LRMDA: variants seen among roughly 807,000 people sequenced by gnomAD.
LRMDA encodes the protein leucine rich melanocyte differentiation associated.
LRMDA carries 18 observed loss-of-function variants against 29.8 expected under a neutral mutation model. The ratio of observed to expected loss-of-function variants is 0.60; its 90% CI spans 0.42 to 0.90. The LOEUF is 0.90. Among genes scored for constraint, LRMDA ranks in the 40% least tolerant of loss-of-function variants. The pLI, the probability that LRMDA is intolerant of heterozygous loss-of-function variation, is 0.00. For missense variants in LRMDA, 273 were observed against 273.9 expected (o/e 1.00, Z 0.02); for synonymous variants, 125 against 109.4 (o/e 1.14, Z -0.89).
chr10:76,264,695 A>C (rs1303664726), intron 5 of LRMDA, among the ~76,000 whole-genome samples: 32 of 152,156 alleles, frequency 2.1e-4, no homozygotes, highest in Non-Finnish European at 2.9e-5. Context: ...CCTGAGTACT[A>C]AACAGAAAGG....
At chr10:75,562,189 G>A (rs573395854) in intron 2 of LRMDA, among the ~76,000 whole-genome samples, 1 of 152,146 alleles carries the variant, frequency 6.6e-6, no homozygotes, top group East Asian at 1.9e-4. Context: ...GGTCATTCAG[G>A]ACTTGCTTTA....
At chr10:76,390,682 T>C (rs1841713313) in intron 6 of LRMDA, among the ~76,000 whole-genome samples, 1 of 152,116 alleles carries the variant, frequency 6.6e-6, no homozygotes, top group Admixed American at 6.6e-5. Flanking sequence ...ACTGCCTGTA[T>C]GCCCCCATAA....
chr10:75,480,836 G>A (rs770433542), intron 2 of LRMDA, among the ~76,000 whole-genome samples: 18 of 152,176 alleles, frequency 1.2e-4, no homozygotes, highest in Non-Finnish European at 2.2e-4. Flanking sequence ...GAGTGTGGAA[G>A]GAGAGTAGAT....
chr10:76,040,932 G>A (rs1158189310), intron 3 of LRMDA, among the ~76,000 whole-genome samples: 2 of 152,176 alleles, frequency 1.3e-5, no homozygotes, highest in South Asian at 2.1e-4. Context: ...GCTGGGCTGT[G>A]GCACGGAGAC....
intron 2 of LRMDA, among the ~76,000 whole-genome samples, chr10:75,912,416 T>C (rs147517332): frequency 1.2e-4 from 18 of 152,312 alleles, no homozygotes; most frequent in African/African-American, 4.1e-4. Context: ...TTGGAAGCCC[T>C]CTTGGAAGAG....
chr10:75,981,067 G>A (rs1847161192), intron 2 of LRMDA, among the ~76,000 whole-genome samples: 1 of 152,200 alleles, frequency 6.6e-6, no homozygotes, highest in Non-Finnish European at 1.5e-5. Flanking sequence ...GCAAGTTCCA[G>A]TGTTATAAGT....
chr10:75,572,787 A>T (rs1049691883), intron 2 of LRMDA, among the ~76,000 whole-genome samples: 1 of 152,124 alleles, frequency 6.6e-6, no homozygotes, highest in Non-Finnish European at 1.5e-5. Flanking sequence ...AGCTTCAGGG[A>T]GGTAATTAAG....
rs573830000 is a variant in LRMDA at position 76,478,371 on chromosome 10, G to A, written c.602-78838G>A. Among the ~76,000 whole-genome samples the A allele has an allele frequency of 2.9e-3, 440 of 152,198 alleles. 3 individuals carry two copies. The highest frequency in any genetic ancestry group is 0.027 in the Middle Eastern group (8 of 294). The stretch of plus-strand genomic sequence containing the variant: ...GATACCATCTCACACCAGTTCGAAT[G>A]TCGATCATTAAAAAGTCAGGAAACA... On this transcript the variant is annotated intron_variant, in intron 6 of 6. Coordinates refer to ENST00000611255, the MANE Select transcript of LRMDA (RefSeq NM_001305581.2).
chr10:75,775,527 A>T (rs1358525405), intron 2 of LRMDA, among the ~76,000 whole-genome samples: 1 of 152,272 alleles, frequency 6.6e-6, no homozygotes, highest in Non-Finnish European at 1.5e-5. Flanking sequence ...ACTAGTGGTC[A>T]ACATAATGGG....
At chr10:76,482,721 A>G (rs907602764) in intron 6 of LRMDA, among the ~76,000 whole-genome samples, 1 of 151,994 alleles carries the variant, frequency 6.6e-6, no homozygotes, top group African/African-American at 2.4e-5. Flanking sequence ...TGCTGTGAAT[A>G]GAATGTGCAT....
chr10:75,531,657 G>A (rs1470516421), intron 2 of LRMDA, among the ~76,000 whole-genome samples: 1 of 152,154 alleles, frequency 6.6e-6, no homozygotes, highest in African/African-American at 2.4e-5. Context: ...TTGTTCTCTG[G>A]ACAGGGTCTT....
chr10:75,780,651 C>T (rs7924027), intron 2 of LRMDA, among the ~76,000 whole-genome samples: 59,358 of 152,038 alleles, frequency 0.39, 13,075 homozygotes, highest in South Asian at 0.54. Flanking sequence ...CTGGGGATGA[C>T]ATGCAGGTTC....
intron 2 of LRMDA, among the ~76,000 whole-genome samples, chr10:75,725,517 C>T (rs532855788): frequency 3.3e-5 from 5 of 152,292 alleles, no homozygotes; most frequent in East Asian, 1.9e-4. Flanking sequence ...CTTCCTACAT[C>T]GTTTTTGAGT....
intron 6 of LRMDA, among the ~76,000 whole-genome samples, chr10:76,515,592 G>A (rs1004788898): frequency 1.3e-5 from 2 of 151,972 alleles, no homozygotes; most frequent in Admixed American, 6.6e-5. Flanking sequence ...TGCAACCTCT[G>A]CCTCTCAGGC....
intron 2 of LRMDA, among the ~76,000 whole-genome samples, chr10:75,624,701 C>T (rs1288365151): frequency 1.3e-5 from 2 of 152,060 alleles, no homozygotes; most frequent in Admixed American, 6.6e-5. Flanking sequence ...TGAGATTAGC[C>T]AGCAAACAAA....
In LRMDA at chr10:76,480,920, T is replaced by C. The variant is rs150045356; in HGVS notation, c.602-76289T>C. On this transcript the variant is annotated intron_variant, in intron 6 of 6. Transcript: ENST00000611255. ...TATTGAGAAACAGTAAGTCCTGCCA[T>C]TGGGACAGCGACTCAATGGTATGAA... 2.1e-3 allele frequency among the ~76,000 whole-genome samples: 312 copies of C among 152,028 alleles called. 2 individuals are homozygous for C. Among genetic ancestry groups the C allele is most frequent in the Non-Finnish European group, 3.4e-3 (232 of 67,908 alleles).
intron 5 of LRMDA, among the ~76,000 whole-genome samples, chr10:76,091,393 C>T (rs552431056): frequency 2.6e-5 from 4 of 152,010 alleles, no homozygotes; most frequent in Non-Finnish European, 4.4e-5. Flanking sequence ...GCTCTATTAA[C>T]GTTTCTTCAC....
intron 2 of LRMDA, among the ~76,000 whole-genome samples, chr10:76,029,419 A>G (rs1487364358): frequency 6.6e-6 from 1 of 152,186 alleles, no homozygotes; most frequent in Non-Finnish European, 1.5e-5. Context: ...CCTTTTTACA[A>G]TTGGGTCACA....
intron 2 of LRMDA, among the ~76,000 whole-genome samples, chr10:75,701,542 T>A (rs1842308260): frequency 6.6e-6 from 1 of 152,218 alleles, no homozygotes; most frequent in Non-Finnish European, 1.5e-5. Flanking sequence ...AATGCACTCA[T>A]CTTTTGACAG....
Sources: allele counts gnomAD v4.1 joint callset (sites outside exome capture counted in the v4.1 genomes callset), GRCh38; gene constraint gnomAD v4.1.1; transcripts MANE v1.5; gene names NCBI Gene and HGNC (gene_info 2026-07-23, HGNC 2026-07-21).